CSGALNACT1: variants seen among roughly 807,000 people sequenced by gnomAD.
The protein encoded by CSGALNACT1 is chondroitin sulfate N-acetylgalactosaminyltransferase 1.
CSGALNACT1 carries 52 observed loss-of-function variants against 51.0 expected under a neutral mutation model. The ratio of observed to expected loss-of-function variants is 1.02; its 90% CI spans 0.82 to 1.29. CSGALNACT1 has a LOEUF of 1.29. Among genes scored for constraint, CSGALNACT1 ranks in the 50% most tolerant of loss-of-function variants. CSGALNACT1 has a pLI of 0.00. For missense variants in CSGALNACT1, 935 were observed against 679.2 expected (o/e 1.38, Z -4.19); for synonymous variants, 341 against 254.4 (o/e 1.34, Z -3.24).
chr8:19,664,874 T>G (rs1355070836), intron 1 of CSGALNACT1, among the ~76,000 whole-genome samples: 1 of 152,118 alleles, frequency 6.6e-6, no homozygotes, highest in Non-Finnish European at 1.5e-5. Flanking sequence ...CAATAGACAT[T>G]GGAGATTACT....
chr8:19,721,528 T>G (rs886344851), intron 1 of CSGALNACT1, among the ~76,000 whole-genome samples: 48 of 152,228 alleles, frequency 3.2e-4, no homozygotes, highest in Middle Eastern at 3.4e-3. Context: ...TGATGGACCA[T>G]GACAAGCACA....
At chr8:19,435,508 T>G (rs1445775804) in intron 6 of CSGALNACT1, among the ~76,000 whole-genome samples, 2 of 136,916 alleles carry the variant, frequency 1.5e-5, no homozygotes. Flanking sequence ...AAAAAAAAAA[T>G]TCCTATTACA....
intron 1 of CSGALNACT1, among the ~76,000 whole-genome samples, chr8:19,726,002 T>A (rs1564475554): frequency 6.6e-6 from 1 of 152,324 alleles, no homozygotes; most frequent in South Asian, 2.1e-4. Flanking sequence ...TATAGTATCA[T>A]TCAGAGTAGT....
chr8:19,617,377 C>A (rs951483094), intron 1 of CSGALNACT1, among the ~76,000 whole-genome samples: 1 of 152,152 alleles, frequency 6.6e-6, no homozygotes, highest in East Asian at 1.9e-4. Flanking sequence ...CTGAATTAAA[C>A]CTCTTTTCTT....
chr8:19,450,182 A>G (rs1475692288), intron 5 of CSGALNACT1, among the ~76,000 whole-genome samples: 1 of 53,516 alleles, frequency 1.9e-5, no homozygotes, highest in Non-Finnish European at 3.6e-5. Flanking sequence ...GAGAGTGAGG[A>G]AGAGGGAGAG....
intron 3 of CSGALNACT1, among the ~76,000 whole-genome samples, chr8:19,558,724 A>G (rs2154093684): frequency 6.6e-6 from 1 of 152,278 alleles, no homozygotes; most frequent in South Asian, 2.1e-4. Flanking sequence ...TCCAAGAGAG[A>G]AAAATTCTTT....
chr8:19,526,057 T>A (rs1450430349), intron 3 of CSGALNACT1, among the ~76,000 whole-genome samples: 1 of 152,184 alleles, frequency 6.6e-6, no homozygotes. Context: ...GTAATTATTT[T>A]CAAATAAAAA....
intron 2 of CSGALNACT1, among the ~76,000 whole-genome samples, chr8:19,592,846 A>C (rs965714727): frequency 3.3e-5 from 5 of 152,194 alleles, no homozygotes; most frequent in African/African-American, 1.2e-4. Flanking sequence ...AGAACACATA[A>C]GTTCTTTGTA....
chr8:19,638,235 C>A (rs1456443344), intron 1 of CSGALNACT1, among the ~76,000 whole-genome samples: 1 of 152,178 alleles, frequency 6.6e-6, no homozygotes, highest in Non-Finnish European at 1.5e-5. Context: ...CAAATGTCCG[C>A]TCCTGAGAGA....
At chr8:19,543,585 TCA>T (rs1375006830) in intron 3 of CSGALNACT1, among the ~76,000 whole-genome samples, 1 of 152,130 alleles carries the variant, frequency 6.6e-6, no homozygotes, top group African/African-American at 2.4e-5. Context: ...AACCCTAAAC[TCA>T]CAGTCTCCAG....
chr8:19,418,802 G>A, intron 7 of CSGALNACT1, 52 bp from the exon 7 acceptor site: 2 of 1,315,812 alleles, frequency 1.5e-6, no homozygotes, highest in Non-Finnish European at 2.2e-6. Flanking sequence ...CAAGTAGTAG[G>A]TTTGTTCCTT....
chr8:19,666,607 C>T (rs1193018193), intron 1 of CSGALNACT1, among the ~76,000 whole-genome samples: 3 of 150,804 alleles, frequency 2.0e-5, no homozygotes, highest in Admixed American at 6.6e-5. Flanking sequence ...AGGAGGTGGG[C>T]GGATAGCTTC....
rs773163058 is a variant in CSGALNACT1, at chr8:19,453,927, T to G, written c.851+4499A>C. ...ACTCCTCCATGAGAAAGAAGGAAGG[T>G]AGGGAGGGAGGGAGGGAGGAAACAA... On this transcript the variant is annotated intron_variant, in intron 5 of 9. Transcript: ENST00000454498. Among the ~76,000 whole-genome samples the G allele has an allele frequency of 9.0e-4, 130 of 144,796 alleles. 1 individual carries two copies. Among genetic ancestry groups the G allele is most frequent in the Non-Finnish European group, 1.7e-3 (110 of 66,030 alleles). 95.0% of individuals were successfully genotyped at this position (144,796 alleles called of 152,430 possible).
intron 3 of CSGALNACT1, among the ~76,000 whole-genome samples, chr8:19,517,195 T>G (rs191274675): frequency 5.3e-4 from 81 of 152,300 alleles, no homozygotes; most frequent in African/African-American, 1.8e-3. Context: ...CCCAGCACTT[T>G]GGGAGGCCGA....
chr8:19,505,299 T>A, exon 4 of CSGALNACT1: 2 of 1,614,146 alleles, frequency 1.2e-6, no homozygotes, highest in Non-Finnish European at 1.7e-6. Context: ...TTCCACCAAC[T>A]CATCCCGCTT....
intron 1 of CSGALNACT1, among the ~76,000 whole-genome samples, chr8:19,755,470 A>AAAAAAAAAAAAAAAAAAAAAAAC (rs1241180396): frequency 6.7e-6 from 1 of 149,962 alleles, no homozygotes; most frequent in African/African-American, 2.4e-5. Flanking sequence ...AAAAAAAAAA[A>AAAAAAAAAAAAAAAAAAAAAAAC]AAAAAAAAAA....
chr8:19,563,923 CCACGCACACT>C (rs1338469863), intron 3 of CSGALNACT1, among the ~76,000 whole-genome samples: 11 of 152,132 alleles, frequency 7.2e-5, no homozygotes, highest in African/African-American at 2.4e-4. Flanking sequence ...CCTCCCTCAG[CCACGCACACT>C]CACACACCAC....
At chr8:19,679,181 A>C (rs747034172) in intron 1 of CSGALNACT1, among the ~76,000 whole-genome samples, 1 of 152,200 alleles carries the variant, frequency 6.6e-6, no homozygotes, top group Non-Finnish European at 1.5e-5. Flanking sequence ...TCTTGGGTGC[A>C]GTGGCTCACA....
chr8:19,436,531 A>T (rs1232012302), intron 6 of CSGALNACT1, among the ~76,000 whole-genome samples: 2 of 152,246 alleles, frequency 1.3e-5, no homozygotes, highest in Non-Finnish European at 2.9e-5. Context: ...CAGAAATAAG[A>T]TACCTCTGAA....
Sources: allele counts gnomAD v4.1 joint callset (sites outside exome capture counted in the v4.1 genomes callset), GRCh38; gene constraint gnomAD v4.1.1; transcripts MANE v1.5; gene names NCBI Gene and HGNC (gene_info 2026-07-23, HGNC 2026-07-21).